Variants in PBX3 observed in about 807,000 individuals in gnomAD.
PBX3 encodes PBX homeobox 3.
Under a neutral mutation model 48.5 loss-of-function variants are expected in PBX3, and 14 were observed. That is an observed-to-expected ratio of 0.29 (90% CI 0.19 to 0.45). The LOEUF is 0.45. Ranked by LOEUF, PBX3 falls within the 20% of genes least tolerant of loss-of-function variation. The pLI is 1.00. For missense variants in PBX3, 386 were observed against 546.7 expected (o/e 0.71, Z 2.93); for synonymous variants, 210 against 200.3 (o/e 1.05, Z -0.41).
At chr9:125,831,255 A>G (rs1838955078) in intron 2 of PBX3, among the ~76,000 whole-genome samples, 2 of 152,176 alleles carry the variant, frequency 1.3e-5, no homozygotes, top group Admixed American at 1.3e-4. Flanking sequence ...CAATGCTAAG[A>G]CTGATTGATC....
chr9:125,831,924 A>G (rs1344340224), intron 2 of PBX3, among the ~76,000 whole-genome samples: 2 of 152,100 alleles, frequency 1.3e-5, no homozygotes, highest in Non-Finnish European at 2.9e-5. Context: ...CCAAAGAGCC[A>G]TGGTTCTTTT....
chr9:125,913,118 T>G (rs1841241347), intron 2 of PBX3, among the ~76,000 whole-genome samples: 1 of 152,168 alleles, frequency 6.6e-6, no homozygotes, highest in Admixed American at 6.5e-5. Flanking sequence ...TCAGACTAGT[T>G]ATGAAAATTC....
chr9:125,801,097 A>G (rs1262074608), intron 2 of PBX3, among the ~76,000 whole-genome samples: 2 of 152,164 alleles, frequency 1.3e-5, no homozygotes, highest in Admixed American at 6.5e-5. Flanking sequence ...CAGTGTTGGC[A>G]TATGCTAGAC....
At chr9:125,919,381 T>C (rs1208781944) in intron 3 of PBX3, among the ~76,000 whole-genome samples, 1 of 144,724 alleles carries the variant, frequency 6.9e-6, no homozygotes, top group East Asian at 2.0e-4. Context: ...TTTTTTTTTT[T>C]TGTATTTTTG....
chr9:125,838,001 A>G (rs1205183392), intron 2 of PBX3, among the ~76,000 whole-genome samples: 1 of 152,234 alleles, frequency 6.6e-6, no homozygotes, highest in Non-Finnish European at 1.5e-5. Context: ...ACATTTTAAT[A>G]GCAAAGCCAA....
intron 2 of PBX3, among the ~76,000 whole-genome samples, chr9:125,780,205 T>C (rs1207447260): frequency 3.0e-5 from 3 of 101,128 alleles, no homozygotes; most frequent in African/African-American, 4.0e-5. Context: ...TCCCCCCACC[T>C]CCCTCCCGGA....
intron 5 of PBX3, among the ~76,000 whole-genome samples, chr9:125,957,812 A>G (rs1439963726): frequency 1.3e-5 from 2 of 152,240 alleles, no homozygotes; most frequent in Non-Finnish European, 2.9e-5. Context: ...CCTCTCAACC[A>G]AGACTATCCT....
At chr9:125,753,267 C>G (rs1171190134) in intron 2 of PBX3, among the ~76,000 whole-genome samples, 1 of 145,414 alleles carries the variant, frequency 6.9e-6, no homozygotes, top group Non-Finnish European at 1.5e-5. Context: ...ATATATTTTT[C>G]TTAACTTAAT....
intron 2 of PBX3, among the ~76,000 whole-genome samples, chr9:125,765,559 G>A (rs1384433431): frequency 6.6e-6 from 1 of 151,970 alleles, no homozygotes; most frequent in Non-Finnish European, 1.5e-5. Context: ...CTAGTTGAAG[G>A]GATATGAGCA....
chr9:125,875,294 CATT>C (rs1410486461), intron 2 of PBX3, among the ~76,000 whole-genome samples: 21 of 152,062 alleles, frequency 1.4e-4, no homozygotes, highest in African/African-American at 4.8e-4. Context: ...GAGCTTTTCT[CATT>C]AGTACTATAA....
intron 2 of PBX3, among the ~76,000 whole-genome samples, chr9:125,815,879 C>G (rs1032831661): frequency 1.3e-5 from 2 of 152,128 alleles, no homozygotes; most frequent in African/African-American, 4.8e-5. Flanking sequence ...ATTTGGGCCT[C>G]CTTCACTGTG....
chr9:125,827,821 T>C (rs1838851060), intron 2 of PBX3, among the ~76,000 whole-genome samples: 4 of 152,204 alleles, frequency 2.6e-5, no homozygotes, highest in Admixed American at 2.6e-4. Flanking sequence ...CTCTGAGGTA[T>C]ATAACTAGGA....
intron 2 of PBX3, among the ~76,000 whole-genome samples, chr9:125,816,445 A>G (rs538705506): frequency 2.0e-5 from 3 of 152,342 alleles, no homozygotes; most frequent in South Asian, 2.1e-4. Flanking sequence ...TTCAATTGTT[A>G]TTGAATATTT....
chr9:125,808,916 A>G (rs1838205969), intron 2 of PBX3, among the ~76,000 whole-genome samples: 1 of 152,144 alleles, frequency 6.6e-6, no homozygotes. Flanking sequence ...TTTATCTAAC[A>G]CATATTTTCT....
chr9:125,857,061 A>G (rs80351013), intron 2 of PBX3, among the ~76,000 whole-genome samples: 8,430 of 152,252 alleles, frequency 0.055, 755 homozygotes, highest in African/African-American at 0.19. Context: ...AGAAATTGAT[A>G]TTAAATATGT....
At chr9:125,778,778 G>T (rs1213870358) in intron 2 of PBX3, among the ~76,000 whole-genome samples, 1 of 145,206 alleles carries the variant, frequency 6.9e-6, no homozygotes, top group Admixed American at 6.9e-5. Flanking sequence ...CACCCTGTTT[G>T]TATGGCCATA....
At chr9:125,751,749 T>C (rs1836380974) in intron 2 of PBX3, among the ~76,000 whole-genome samples, 1 of 152,230 alleles carries the variant, frequency 6.6e-6, no homozygotes, top group African/African-American at 2.4e-5. Flanking sequence ...ATTTTTCTCC[T>C]GATTTTTAAA....
chr9:125,922,031 C>T (rs1403417341), intron 3 of PBX3, among the ~76,000 whole-genome samples: 1 of 152,014 alleles, frequency 6.6e-6, no homozygotes, highest in East Asian at 1.9e-4. Context: ...ACAATATAAA[C>T]TTAAAGGCAA....
chr9:125,773,889 A>G (rs1837005011), intron 2 of PBX3, among the ~76,000 whole-genome samples: 1 of 152,194 alleles, frequency 6.6e-6, no homozygotes, highest in Non-Finnish European at 1.5e-5. Context: ...TAACTATTTT[A>G]AAGTATATAA....
Sources: gnomAD v4.1 joint callset for allele counts (sites outside exome capture counted in the v4.1 genomes callset) on GRCh38, gnomAD v4.1.1 for gene constraint, MANE v1.5 for transcripts, NCBI Gene and HGNC (gene_info 2026-07-23, HGNC 2026-07-21) for gene names.